Variants in XRN1 observed in about 807,000 individuals in gnomAD.
XRN1 encodes strand-exchange protein 1 homolog.
In XRN1, 67 loss-of-function variants were observed where a neutral mutation model predicts 222.3. The ratio of observed to expected loss-of-function variants is 0.30; its 90% CI spans 0.25 to 0.37. XRN1 has a LOEUF of 0.37. Among genes scored for constraint, XRN1 ranks in the 10% least tolerant of loss-of-function variants. The pLI is 1.00. For missense variants in XRN1, 1,707 were observed against 2,000.2 expected (o/e 0.85, Z 2.80); for synonymous variants, 643 against 652.4 (o/e 0.99, Z 0.22).
At chr3:142,341,336 T>C (rs926977719) in intron 33 of XRN1, among the ~76,000 whole-genome samples, 14 of 151,520 alleles carry the variant, frequency 9.2e-5, no homozygotes, top group African/African-American at 3.4e-4. Flanking sequence ...ACACCACTAG[T>C]GAAAATCACC....
At chr3:142,378,660 C>T (rs1213725220) in intron 23 of XRN1, among the ~76,000 whole-genome samples, 1 of 151,612 alleles carries the variant, frequency 6.6e-6, no homozygotes, top group African/African-American at 2.4e-5. Context: ...TAAGATTGAA[C>T]TAAAAGGATT....
In XRN1 at chr3:142,335,458, G is replaced by A; in HGVS notation, c.3929C>T (p.Ser1310Phe). Reference sequence around the variant, plus strand: ...TTTAAGGAAGCTTACCTGCTTATTGGACATTTTTTGGGACCAACACTCAGC... The same window carrying A: ...TTTAAGGAAGCTTACCTGCTTATTGAACATTTTTTGGGACCAACACTCAGC... ...PKAECWSQKM[S>F]NKQPNSGIEN... Residue 1310 changes from serine to phenylalanine, a missense_variant, in exon 34 of 41, where the codon TCC (serine) becomes TTC (phenylalanine). This residue lies in a region of XRN1 where 473 missense variants were observed against 482.0 expected (regional missense o/e 0.98). Transcript: ENST00000392981. 3.1e-6 allele frequency: 5 copies of A among 1,613,852 alleles called. No individual in the cohort carries two copies. Among genetic ancestry groups the A allele is most frequent in the Non-Finnish European group, 4.2e-6 (5 of 1,179,848 alleles).
chr3:142,435,397 CA>C (rs762429201), intron 1 of XRN1: 2,257 of 97,904 alleles, frequency 0.023, 22 homozygotes, highest in African/African-American at 0.053. Context: ...GACTCTGTAT[CA>C]AAAAAAAAAA....
At chr3:142,335,611 A>G in intron 33 of XRN1, 102 bp from the exon 34 acceptor site, 1 of 1,024,356 alleles carries the variant, frequency 9.8e-7, no homozygotes, top group Non-Finnish European at 1.5e-6. Context: ...AAAAATTCAG[A>G]GAATTTCAAG....
At chr3:142,346,458 C>A (rs1461962667) in intron 33 of XRN1, among the ~76,000 whole-genome samples, 2 of 151,120 alleles carry the variant, frequency 1.3e-5, no homozygotes, top group African/African-American at 2.4e-5. Context: ...AAAGTGTGCA[C>A]ATGTTGAGAG....
intron 19 of XRN1, 145 bp downstream of exon 19, chr3:142,400,299 G>C (rs1011318004): frequency 9.2e-5 from 51 of 556,352 alleles, no homozygotes; most frequent in Non-Finnish European, 9.4e-6. Context: ...AACTTCAAGT[G>C]GTGTCATTAG....
chr3:142,344,817 A>G (rs866404673), intron 33 of XRN1, among the ~76,000 whole-genome samples: 2 of 152,224 alleles, frequency 1.3e-5, no homozygotes, highest in African/African-American at 4.8e-5. Context: ...TAAGATGACA[A>G]TACTACCCAA....
chr3:142,316,470 TA>T (rs2065215084), intron 39 of XRN1, among the ~76,000 whole-genome samples: 1 of 152,134 alleles, frequency 6.6e-6, no homozygotes, highest in Admixed American at 6.6e-5. Flanking sequence ...AATTATTTTT[TA>T]AAAGCTTAGT....
intron 15 of XRN1, among the ~76,000 whole-genome samples, chr3:142,409,279 A>T (rs1274784490): frequency 6.6e-6 from 1 of 152,160 alleles, no homozygotes. Context: ...GTTTGCTTCA[A>T]GAAGTTTTAT....
rs2070551165 is a variant in XRN1, at chr3:142,447,319, A to C, written c.75+551T>G. On this transcript the variant is annotated intron_variant, in intron 1 of 40. Coordinates refer to ENST00000392981, the MANE Select transcript of XRN1 (RefSeq NM_001282857.2). This position sits in a 1 kb window ranked among gnomAD's most constrained non-coding sequence, Gnocchi z 4.2. ...GGGGATTGGTGCTGCTTTTGAAATAACAGAAAGTAACAAAAGGCATCACCA... is the reference window on the plus strand; with the variant it reads ...GGGGATTGGTGCTGCTTTTGAAATACCAGAAAGTAACAAAAGGCATCACCA... Among the ~76,000 whole-genome samples the C allele has an allele frequency of 6.6e-6, 1 of 152,190 alleles. No individual in the cohort carries two copies. Among genetic ancestry groups the C allele is most frequent in the Non-Finnish European group, 1.5e-5 (1 of 68,044 alleles).
chr3:142,339,620 T>G (rs1375974848), intron 33 of XRN1, among the ~76,000 whole-genome samples: 1 of 152,218 alleles, frequency 6.6e-6, no homozygotes, highest in Non-Finnish European at 1.5e-5. Context: ...CAGAGATATG[T>G]GACCTTTCAG....
In XRN1 at chr3:142,310,336, T is replaced by C. The variant is rs2065049649; in HGVS notation, c.*1175A>G. 1 of 152,142 alleles carries C rather than the reference T, an allele frequency of 6.6e-6. No homozygotes were observed. The highest frequency in any genetic ancestry group is 2.4e-5 in the African/African-American group (1 of 41,388). 9.4% of individuals were successfully genotyped at this position (152,142 alleles called of 1,614,324 possible). A position where few individuals can be genotyped will look rare whatever the true frequency, so the allele number is the denominator to read the frequency against. ...TCACAAAAACTAAAGAATAAATATA[T>C]ATATATATATAAACATAGGCCCTGC... On this transcript the variant is annotated 3_prime_UTR_variant, in exon 41 of 41. Coordinates refer to ENST00000392981, the MANE Select transcript of XRN1 (RefSeq NM_001282857.2).
intron 15 of XRN1, among the ~76,000 whole-genome samples, chr3:142,410,555 TG>T (rs2068532331): frequency 7.6e-6 from 1 of 132,168 alleles, no homozygotes; most frequent in African/African-American, 2.9e-5. Context: ...GTGCAGTGGC[TG>T]GATCTCTGCT....
intron 32 of XRN1, among the ~76,000 whole-genome samples, chr3:142,354,564 CTGAT>C (rs987221756): frequency 1.3e-5 from 2 of 152,138 alleles, no homozygotes; most frequent in Admixed American, 1.3e-4. Context: ...GATTGATTAA[CTGAT>C]TGATTTAGAG....
intron 1 of XRN1, among the ~76,000 whole-genome samples, chr3:142,439,390 T>C (rs543830596): frequency 3.9e-5 from 6 of 151,938 alleles, no homozygotes; most frequent in African/African-American, 1.4e-4. Flanking sequence ...AATCAGAACA[T>C]GGAGATTGGT....
intron 30 of XRN1, among the ~76,000 whole-genome samples, chr3:142,359,080 C>A (rs1306792751): frequency 6.6e-6 from 1 of 152,090 alleles, no homozygotes; most frequent in Non-Finnish European, 1.5e-5. Context: ...GGAAATACAA[C>A]GTTTAACTGC....
intron 20 of XRN1, among the ~76,000 whole-genome samples, chr3:142,385,386 G>T (rs1387790800): frequency 2.0e-5 from 3 of 152,184 alleles, no homozygotes; most frequent in Admixed American, 2.0e-4. Context: ...TATATCATAT[G>T]ATTCCATTTA....
intron 37 of XRN1, among the ~76,000 whole-genome samples, chr3:142,328,742 TA>T (rs2065603902): frequency 3.4e-5 from 2 of 58,540 alleles, no homozygotes; most frequent in African/African-American, 2.3e-4. Flanking sequence ...TATATATATA[TA>T]TATATATATA....
At chr3:142,377,027 G>C (rs1318622860) in intron 23 of XRN1, among the ~76,000 whole-genome samples, 1 of 151,932 alleles carries the variant, frequency 6.6e-6, no homozygotes, top group Non-Finnish European at 1.5e-5. Flanking sequence ...TTAAAAAATA[G>C]GTACATCATC....
Sources: gnomAD v4.1 joint callset for allele counts (sites outside exome capture counted in the v4.1 genomes callset) on GRCh38, gnomAD v4.1.1 for gene constraint, gnomAD v4.1.1 regional missense constraint, Gnocchi (gnomAD v3.1) non-coding constraint, MANE v1.5 for transcripts, NCBI Gene and HGNC (gene_info 2026-07-23, HGNC 2026-07-21) for gene names.